FSHR: variants seen among roughly 807,000 people sequenced by gnomAD.
The protein encoded by FSHR is follicle-stimulating hormone receptor.
A neutral mutation model predicts 52.1 loss-of-function variants in FSHR; 46 were observed. The ratio of observed to expected loss-of-function variants is 0.88; its 90% CI spans 0.70 to 1.13. The LOEUF is 1.13. Among genes scored for constraint, FSHR ranks in the 50% most tolerant of loss-of-function variants. FSHR has a pLI of 0.00. For synonymous variants in FSHR, 399 were observed against 309.6 expected (o/e 1.29, Z -3.03); for missense variants, 964 against 834.6 (o/e 1.16, Z -1.91).
At chr2:48,977,872 C>T (rs1024645301) in intron 8 of FSHR, among the ~76,000 whole-genome samples, 9 of 152,156 alleles carry the variant, frequency 5.9e-5, no homozygotes, top group Middle Eastern at 3.4e-3. Context: ...GCTGGACAAG[C>T]GGGGAGGGGT....
intron 2 of FSHR, among the ~76,000 whole-genome samples, chr2:49,038,092 A>G (rs1395705750): frequency 2.6e-5 from 4 of 152,236 alleles, no homozygotes; most frequent in Non-Finnish European, 5.9e-5. Flanking sequence ...TGCTGAATAG[A>G]AATTACAGTC....
intron 1 of FSHR, among the ~76,000 whole-genome samples, chr2:49,127,812 T>TTCTTCTTCC (rs1672083101): frequency 1.8e-5 from 1 of 56,498 alleles, no homozygotes; most frequent in Admixed American, 2.7e-4. Context: ...CTTCTTCTTC[T>TTCTTCTTCC]TCTTCTTCTT....
At chr2:49,146,860 C>T (rs1309607963) in intron 1 of FSHR, among the ~76,000 whole-genome samples, 1 of 152,042 alleles carries the variant, frequency 6.6e-6, no homozygotes, top group East Asian at 1.9e-4. Context: ...TAGAAGTTTT[C>T]ATCAAGCTTG....
intron 1 of FSHR, among the ~76,000 whole-genome samples, chr2:49,113,781 G>A (rs964498877): frequency 1.3e-5 from 2 of 152,128 alleles, no homozygotes; most frequent in Admixed American, 1.3e-4. Flanking sequence ...TTGTGGGGAG[G>A]TCTTGGCACC....
intron 8 of FSHR, among the ~76,000 whole-genome samples, chr2:48,980,189 T>G (rs1675183869): frequency 6.6e-6 from 1 of 152,230 alleles, no homozygotes; most frequent in African/African-American, 2.4e-5. Flanking sequence ...TTCGCAATTA[T>G]AGGCTGGGCT....
At chr2:49,079,574 A>T (rs1400997355) in intron 1 of FSHR, among the ~76,000 whole-genome samples, 1 of 152,150 alleles carries the variant, frequency 6.6e-6, no homozygotes, top group African/African-American at 2.4e-5. Flanking sequence ...GAAAATAAAG[A>T]GCACGGAAAT....
intron 1 of FSHR, among the ~76,000 whole-genome samples, chr2:49,141,959 T>C (rs766053529): frequency 6.6e-6 from 1 of 152,146 alleles, no homozygotes; most frequent in Non-Finnish European, 1.5e-5. Flanking sequence ...ATTTCCAAAA[T>C]AGGGACAGTA....
intron 2 of FSHR, among the ~76,000 whole-genome samples, chr2:49,049,945 C>G (rs999562370): frequency 6.6e-6 from 1 of 151,682 alleles, no homozygotes; most frequent in Non-Finnish European, 1.5e-5. Flanking sequence ...CTGGGCAGTT[C>G]TTAGATACTG....
At chr2:49,078,701 AG>A (rs1670047519) in intron 1 of FSHR, among the ~76,000 whole-genome samples, 1 of 152,260 alleles carries the variant, frequency 6.6e-6, no homozygotes, top group African/African-American at 2.4e-5. Flanking sequence ...TCACAATAAA[AG>A]TTTTTAAGAA....
intron 4 of FSHR, among the ~76,000 whole-genome samples, chr2:48,992,678 C>T (rs149543566): frequency 1.3e-5 from 2 of 151,686 alleles, no homozygotes; most frequent in Non-Finnish European, 2.9e-5. Flanking sequence ...GCTTTCTATT[C>T]CACCCTCTTG....
chr2:49,139,131 C>T (rs960635426), intron 1 of FSHR, among the ~76,000 whole-genome samples: 2 of 152,174 alleles, frequency 1.3e-5, no homozygotes, highest in African/African-American at 4.8e-5. Context: ...CTGTCTCAAG[C>T]TCATCTGGCA....
chr2:49,049,897 A>G (rs1046546056), intron 2 of FSHR, among the ~76,000 whole-genome samples: 2 of 151,584 alleles, frequency 1.3e-5, no homozygotes, highest in Non-Finnish European at 2.9e-5. Flanking sequence ...AATTCCAAAC[A>G]TATAAATACA....
rs575871784 is a variant in FSHR at position 49,013,732 on chromosome 2, T to G, written c.374+3757A>C. On this transcript the variant is annotated intron_variant, in intron 4 of 9. Transcript: ENST00000406846. ...CTACATAGCAGTGGATGTGCAAACA[T>G]TTTGTATAGTGTAGAATTATATAAC... is the stretch of plus-strand genomic sequence containing the variant. 2.9e-3 allele frequency among the ~76,000 whole-genome samples: 444 copies of G among 151,532 alleles called. 1 individual carries two copies. Among genetic ancestry groups the G allele is most frequent in the African/African-American group, 0.01 (430 of 41,288 alleles).
At chr2:49,086,564 A>AT (rs772248494) in intron 1 of FSHR, among the ~76,000 whole-genome samples, 20 of 152,122 alleles carry the variant, frequency 1.3e-4, no homozygotes, top group African/African-American at 4.6e-4. Context: ...CCTGCGGAAG[A>AT]TTTTTCATAC....
chr2:49,146,753 C>G (rs1040447540), intron 1 of FSHR, among the ~76,000 whole-genome samples: 1 of 152,052 alleles, frequency 6.6e-6, no homozygotes, highest in East Asian at 1.9e-4. Flanking sequence ...TTACATCAAA[C>G]TTTCAGCAAT....
At chr2:49,002,312 C>T (rs1385115093) in intron 4 of FSHR, among the ~76,000 whole-genome samples, 1 of 152,162 alleles carries the variant, frequency 6.6e-6, no homozygotes, top group African/African-American at 2.4e-5. Flanking sequence ...TTGCCCCTTC[C>T]TTCCTCTTCT....
chr2:49,052,615 C>T (rs1042441532), intron 2 of FSHR, among the ~76,000 whole-genome samples: 3 of 152,172 alleles, frequency 2.0e-5, no homozygotes, highest in Non-Finnish European at 4.4e-5. Context: ...AACGTCATTT[C>T]CTTGTTATTC....
intron 2 of FSHR, among the ~76,000 whole-genome samples, chr2:49,039,129 G>T (rs1347059832): frequency 2.2e-5 from 3 of 135,534 alleles, no homozygotes; most frequent in African/African-American, 7.4e-5. Context: ...TTTTTTTACA[G>T]GTTATTTTGT....
chr2:48,963,933 A>C lies in FSHR; in HGVS notation c.888T>G (p.Ile296Met), dbSNP rs1461278602. Reference sequence around the variant, plus strand: ...TCATATAATCAACTTCTTGCCTTAAAATAGATTTGTTGCAAATTGGATGAA... The same window carrying C: ...TCATATAATCAACTTCTTGCCTTAACATAGATTTGTTGCAAATTGGATGAA... ...SELHPICNKS[I>M]LRQEVDYMTQ... Residue 296 changes from isoleucine (I) to methionine (M), a missense_variant, in exon 10 of 10, where the codon ATT (isoleucine) becomes ATG (methionine). Coordinates refer to ENST00000406846, the MANE Select transcript of FSHR (RefSeq NM_000145.4). 4 of 1,613,668 alleles carry C rather than the reference A, an allele frequency of 2.5e-6. No homozygotes were observed. The highest frequency in any genetic ancestry group is 3.4e-6 in the Non-Finnish European group (4 of 1,179,926).
Sources: allele counts gnomAD v4.1 joint callset (sites outside exome capture counted in the v4.1 genomes callset), GRCh38; gene constraint gnomAD v4.1.1; transcripts MANE v1.5; gene names NCBI Gene and HGNC (gene_info 2026-07-23, HGNC 2026-07-21).